AMBRA1: variants seen among roughly 807,000 people sequenced by gnomAD.
AMBRA1 encodes the protein activating molecule in BECN1-regulated autophagy protein 1.
In AMBRA1, 47 loss-of-function variants were observed where a neutral mutation model predicts 125.4. The ratio of observed to expected loss-of-function variants is 0.37; its 90% CI spans 0.30 to 0.48. The LOEUF (loss-of-function observed/expected upper bound fraction) is 0.48, where lower values mean the gene tolerates loss of function less well. AMBRA1 is among the 20% of genes least tolerant of loss of function. The pLI, the probability that AMBRA1 is intolerant of heterozygous loss-of-function variation, is 0.99. For missense variants in AMBRA1, 1,331 were observed against 1,693.4 expected (o/e 0.79, Z 3.76); for synonymous variants, 626 against 655.5 (o/e 0.95, Z 0.69).
chr11:46,485,352 AAAAGATGAAC>A (rs1950229320), intron 11 of AMBRA1, among the ~76,000 whole-genome samples: 1 of 152,214 alleles, frequency 6.6e-6, no homozygotes, highest in South Asian at 2.1e-4. Flanking sequence ...AGTCCCACTC[AAAAGATGAAC>A]GGGGACACAT....
intron 1 of AMBRA1, among the ~76,000 whole-genome samples, chr11:46,561,558 G>A (rs911908387): frequency 2.0e-5 from 3 of 152,176 alleles, no homozygotes; most frequent in African/African-American, 7.2e-5. Flanking sequence ...GCCAAAGCAG[G>A]ATTTGAATTC....
chr11:46,523,845 T>C (rs1951858834), intron 7 of AMBRA1, among the ~76,000 whole-genome samples: 1 of 152,176 alleles, frequency 6.6e-6, no homozygotes, highest in Non-Finnish European at 1.5e-5. Context: ...TGACAGTTCC[T>C]TGTGAGATGT....
At chr11:46,544,469 T>C (rs544768686) in intron 5 of AMBRA1, among the ~76,000 whole-genome samples, 95 of 152,254 alleles carry the variant, frequency 6.2e-4, no homozygotes, top group African/African-American at 2.2e-3. Context: ...GTGACATAGC[T>C]GAAACCAGAA....
intron 11 of AMBRA1, among the ~76,000 whole-genome samples, chr11:46,479,044 C>T (rs145546060): frequency 2.4e-3 from 361 of 152,014 alleles, no homozygotes; most frequent in African/African-American, 8.3e-3. Flanking sequence ...ACAAAAAATA[C>T]CAAAATTAGC....
At chr11:46,477,100 CAAAAAAAA>C (rs966567377) in intron 11 of AMBRA1, among the ~76,000 whole-genome samples, 1 of 72,078 alleles carries the variant, frequency 1.4e-5, no homozygotes, top group African/African-American at 5.1e-5. Flanking sequence ...AAGACTGTCT[CAAAAAAAA>C]AAAAAAAAAA....
At chr11:46,419,995 T>TACACACACACACACATACACACACACAC (rs1554969495) in intron 14 of AMBRA1, among the ~76,000 whole-genome samples, 2 of 129,018 alleles carry the variant, frequency 1.6e-5, no homozygotes, top group African/African-American at 3.0e-5. Flanking sequence ...GTGTCCTCAA[T>TACACACACACACACATACACACACACAC]ACACACACAC....
chr11:46,482,068 G>T (rs1266733117), intron 11 of AMBRA1, among the ~76,000 whole-genome samples: 1 of 152,196 alleles, frequency 6.6e-6, no homozygotes. Flanking sequence ...GATGTTTCCA[G>T]CTTTGTGTTT....
chr11:46,443,021 C>T (rs1948096596), intron 12 of AMBRA1, among the ~76,000 whole-genome samples: 2 of 152,202 alleles, frequency 1.3e-5, no homozygotes, highest in South Asian at 4.1e-4. Flanking sequence ...CGCACCCAGC[C>T]TGTAACTCTC....
At chr11:46,494,352 A>G (rs3802888) in intron 9 of AMBRA1, 148 bp from the exon 10 acceptor site, 109,341 of 593,844 alleles carry the variant, frequency 0.18, 14,288 homozygotes, top group African/African-American at 0.52. Context: ...CTAATTAGGC[A>G]GCACATTAAT....
Position 46,569,440 on chromosome 11 carries a change from A to AAAAT in AMBRA1, c.-120-20941_-120-20940insATTT, listed in dbSNP as rs1477022124. 7.8e-3 allele frequency among the ~76,000 whole-genome samples: 1,021 copies of AAAAT among 131,318 alleles called. 4 individuals are homozygous for AAAAT. The highest frequency in any genetic ancestry group is 0.012 in the Non-Finnish European group (782 of 63,080). The allele number at this position is 131,318 out of a possible 152,430, so 86.1% of individuals were successfully genotyped here. A position where few individuals can be genotyped will look rare whatever the true frequency, so the allele number is the denominator to read the frequency against. ...ATCACTGAGAGATTAAAAAAAAAAAAATATATATATATATATATATATATA... is the reference window on the plus strand; with the variant it reads ...ATCACTGAGAGATTAAAAAAAAAAAAAAATATATATATATATATATATATATATA... On this transcript the variant is annotated intron_variant, in intron 1 of 17. Coordinates refer to ENST00000683756, the MANE Select transcript of AMBRA1 (RefSeq NM_001387011.1).
At chr11:46,436,521 G>A (rs755829629) in intron 12 of AMBRA1, among the ~76,000 whole-genome samples, 1 of 152,198 alleles carries the variant, frequency 6.6e-6, no homozygotes, top group Non-Finnish European at 1.5e-5. Flanking sequence ...ATCACCATTA[G>A]GCCTTTCTAC....
At chr11:46,453,760 T>A (rs1252434161) in intron 11 of AMBRA1, among the ~76,000 whole-genome samples, 1 of 152,164 alleles carries the variant, frequency 6.6e-6, no homozygotes, top group Non-Finnish European at 1.5e-5. Flanking sequence ...TGTCTATAAT[T>A]CTGGCATAGG....
At chr11:46,428,955 G>A in intron 14 of AMBRA1, 1 of 1,612,308 alleles carries the variant, frequency 6.2e-7, no homozygotes, top group South Asian at 1.1e-5. Flanking sequence ...CAGTAGAAAT[G>A]TCTCCAGGCA....
At chr11:46,447,858 A>G (rs1948382949) in intron 11 of AMBRA1, among the ~76,000 whole-genome samples, 1 of 152,206 alleles carries the variant, frequency 6.6e-6, no homozygotes, top group Non-Finnish European at 1.5e-5. Flanking sequence ...TGTGTATTGC[A>G]TCTACAGTTA....
chr11:46,454,304 C>T (rs1948748133), intron 11 of AMBRA1, among the ~76,000 whole-genome samples: 1 of 151,744 alleles, frequency 6.6e-6, no homozygotes, highest in African/African-American at 2.4e-5. Context: ...GCTGAGATTA[C>T]AGGCGTGAGC....
At chr11:46,557,113 G>A (rs897000291) in intron 1 of AMBRA1, among the ~76,000 whole-genome samples, 4 of 147,552 alleles carry the variant, frequency 2.7e-5, no homozygotes, top group African/African-American at 1.0e-4. Context: ...TCCAGCCTGG[G>A]CAACAAGAGC....
At chr11:46,546,850 C>A (rs1314925182) in intron 4 of AMBRA1, among the ~76,000 whole-genome samples, 2 of 152,098 alleles carry the variant, frequency 1.3e-5, no homozygotes, top group Non-Finnish European at 2.9e-5. Context: ...GCAGGCAGAC[C>A]ACTTGAGGTC....
chr11:46,486,549 T>C (rs1950271984), intron 11 of AMBRA1, among the ~76,000 whole-genome samples: 1 of 152,154 alleles, frequency 6.6e-6, no homozygotes, highest in African/African-American at 2.4e-5. Context: ...CTCCTGAAAG[T>C]AATTCCCTAA....
intron 7 of AMBRA1, among the ~76,000 whole-genome samples, chr11:46,521,030 T>A (rs1343710794): frequency 1.3e-5 from 2 of 152,132 alleles, no homozygotes; most frequent in Non-Finnish European, 2.9e-5. Context: ...AAAACTCACA[T>A]CCTAATTAAC....
Sources: gnomAD v4.1 joint callset for allele counts (sites outside exome capture counted in the v4.1 genomes callset) on GRCh38, gnomAD v4.1.1 for gene constraint, MANE v1.5 for transcripts, NCBI Gene and HGNC (gene_info 2026-07-23, HGNC 2026-07-21) for gene names.